WDR7: variants seen among roughly 807,000 people sequenced by gnomAD.
WDR7 encodes WD repeat domain 7.
WDR7 carries 46 observed loss-of-function variants against 169.4 expected under a neutral mutation model. The observed-to-expected ratio is 0.27, with a 90% CI of 0.21 to 0.35. WDR7 has a LOEUF of 0.35. Ranked by LOEUF, WDR7 falls within the 10% of genes least tolerant of loss-of-function variation. The pLI is 1.00. For missense variants in WDR7, 1,534 were observed against 1,859.3 expected, an observed-to-expected ratio of 0.83 and a Z score of 3.22; for synonymous variants, 612 against 666.8, an observed-to-expected ratio of 0.92 and a Z score of 1.27.
At chr18:56,931,125 CT>C (rs201655959) in intron 22 of WDR7, among the ~76,000 whole-genome samples, 10 of 148,078 alleles carry the variant, frequency 6.8e-5, no homozygotes, top group South Asian at 2.1e-4. Flanking sequence ...GTCATGTCCT[CT>C]TTTTTTTTTA....
intron 14 of WDR7, among the ~76,000 whole-genome samples, chr18:56,754,779 C>A (rs954596558): frequency 4.6e-5 from 7 of 152,108 alleles, no homozygotes; most frequent in African/African-American, 1.7e-4. Flanking sequence ...GAACATAAAT[C>A]CTTGTCTGTA....
chr18:56,796,150 T>TC (rs2044582050), intron 19 of WDR7, among the ~76,000 whole-genome samples: 1 of 152,220 alleles, frequency 6.6e-6, no homozygotes, highest in Non-Finnish European at 1.5e-5. Flanking sequence ...AGATATAATC[T>TC]TAACACCCAT....
chr18:56,667,802 C>T (rs906904295), intron 1 of WDR7, among the ~76,000 whole-genome samples: 1 of 152,106 alleles, frequency 6.6e-6, no homozygotes, highest in African/African-American at 2.4e-5. Flanking sequence ...GCTCTCATAT[C>T]AGTATTATTA....
intron 14 of WDR7, among the ~76,000 whole-genome samples, chr18:56,740,755 A>T (rs1247762110): frequency 6.6e-6 from 1 of 152,146 alleles, no homozygotes; most frequent in African/African-American, 2.4e-5. Context: ...TTAGCATGAG[A>T]ACCCTGCCAA....
Position 56,758,938 on chromosome 18 carries a change from G to A in WDR7, c.2833G>A (p.Gly945Arg). 1.9e-6 allele frequency: 3 copies of A among 1,612,198 alleles called. No homozygotes were observed. Among genetic ancestry groups the A allele is most frequent in the South Asian group, 1.1e-5 (1 of 90,788 alleles). The change falls in exon 16 of 28, where the codon GGA (glycine) becomes AGA (arginine). Residue 945 changes from glycine to arginine, a missense_variant. Physicochemically the swap from Gly to Arg is moderately radical, Grantham distance 125. Transcript: ENST00000254442. ...SPPTSSNIVQ[G>R]QIKQVAAPVV... is the part of the protein sequence containing the mutation. ...TCCAACTTCCAGTAATATTGTGCAA[G>A]GACAGATTAAACAAGGTAAAATTAA... is the stretch of plus-strand genomic sequence containing the variant.
intron 9 of WDR7, among the ~76,000 whole-genome samples, chr18:56,693,564 T>G (rs1246914442): frequency 4.1e-5 from 2 of 48,924 alleles, no homozygotes; most frequent in Non-Finnish European, 6.4e-5. Flanking sequence ...TTTGTTGGTT[T>G]TTTTTTTTGT....
chr18:56,688,678 G>A (rs186040391), intron 7 of WDR7, among the ~76,000 whole-genome samples: 2 of 151,882 alleles, frequency 1.3e-5, no homozygotes, highest in East Asian at 3.9e-4. Context: ...GCAGTGAGCC[G>A]AGATTGCGGC....
At position 56,694,620 on chromosome 18, in the gene WDR7, TGC is replaced by T. The variant is rs1254991580; in HGVS notation, c.969_970del (p.Leu323PhefsTer19). 1.2e-6 allele frequency: 2 copies of T among 1,604,034 alleles called. No individual in the cohort carries two copies. Among genetic ancestry groups the T allele is most frequent in the Admixed American group, 1.7e-5 (1 of 58,906 alleles). ...ATATTCAAATACTTTTTTTGGCAGT[TGC>T]TAATTTGTCCTCCTGTTACTCGGTT... On this transcript the variant is annotated frameshift_variant and splice_region_variant, in exon 10 of 28. Coordinates refer to ENST00000254442, the MANE Select transcript of WDR7 (RefSeq NM_015285.3). LOFTEE classifies it high-confidence loss of function.
chr18:56,985,467 G>A (rs1208026432), intron 26 of WDR7, among the ~76,000 whole-genome samples: 2 of 152,066 alleles, frequency 1.3e-5, no homozygotes, highest in African/African-American at 2.4e-5. Flanking sequence ...GGGAGGAGGT[G>A]GGGGAAGTTG....
At chr18:57,024,624 G>C (rs2917651) in intron 27 of WDR7, among the ~76,000 whole-genome samples, 2 of 13,222 alleles carry the variant, frequency 1.5e-4, no homozygotes, top group Non-Finnish European at 3.0e-4. Flanking sequence ...GGATATGTGA[G>C]CTATGATAGT....
At chr18:56,907,256 C>G (rs948257932) in intron 21 of WDR7, among the ~76,000 whole-genome samples, 1 of 152,154 alleles carries the variant, frequency 6.6e-6, no homozygotes, top group Non-Finnish European at 1.5e-5. Flanking sequence ...TTTCATTCCA[C>G]AAATATTTTT....
chr18:56,701,205 G>A (rs531302949), intron 12 of WDR7, among the ~76,000 whole-genome samples: 8 of 152,290 alleles, frequency 5.3e-5, no homozygotes, highest in African/African-American at 1.9e-4. Flanking sequence ...TGGCAAGGGC[G>A]TATTATAGGT....
chr18:56,658,135 G>A (rs570534915), intron 1 of WDR7, among the ~76,000 whole-genome samples: 1 of 151,992 alleles, frequency 6.6e-6, no homozygotes, highest in Non-Finnish European at 1.5e-5. Flanking sequence ...ACAGAATCTC[G>A]CTCTGTCGCC....
At chr18:56,923,207 TAA>T (rs1301250159) in intron 21 of WDR7, among the ~76,000 whole-genome samples, 2 of 152,236 alleles carry the variant, frequency 1.3e-5, no homozygotes, top group African/African-American at 4.8e-5. Flanking sequence ...CTGAAGTAGA[TAA>T]AGTTTTGTGG....
chr18:56,782,529 T>G (rs986220058), intron 19 of WDR7, among the ~76,000 whole-genome samples: 5 of 152,114 alleles, frequency 3.3e-5, no homozygotes, highest in African/African-American at 9.7e-5. Flanking sequence ...TTATATTCAT[T>G]GTAAGATAAA....
chr18:56,929,654 A>C (rs1373941127), intron 22 of WDR7, among the ~76,000 whole-genome samples: 1 of 152,156 alleles, frequency 6.6e-6, no homozygotes, highest in African/African-American at 2.4e-5. Context: ...CACCCTTAAT[A>C]AGGTGAGTGA....
At chr18:56,858,976 A>G (rs1354402210) in intron 20 of WDR7, among the ~76,000 whole-genome samples, 2 of 152,176 alleles carry the variant, frequency 1.3e-5, no homozygotes, top group East Asian at 3.8e-4. Context: ...AGAAGAGCAA[A>G]AGATGAAGAA....
chr18:56,737,858 TTATGA>T (rs2026734544), intron 14 of WDR7, among the ~76,000 whole-genome samples: 1 of 152,200 alleles, frequency 6.6e-6, no homozygotes, highest in Non-Finnish European at 1.5e-5. Flanking sequence ...AGAAGAATTC[TTATGA>T]TATGTATGAC....
chr18:56,726,448 C>T (rs944310353), intron 13 of WDR7, among the ~76,000 whole-genome samples: 11 of 152,160 alleles, frequency 7.2e-5, no homozygotes, highest in African/African-American at 2.4e-4. Context: ...ATTTGGCTCT[C>T]TGTTTGTCTG....
Sources: gnomAD v4.1 joint callset for allele counts (sites outside exome capture counted in the v4.1 genomes callset) on GRCh38, gnomAD v4.1.1 for gene constraint, MANE v1.5 for transcripts, NCBI Gene and HGNC (gene_info 2026-07-23, HGNC 2026-07-21) for gene names.